The following UBE3A variants were observed in gnomAD, a reference collection of about 807,000 sequenced individuals.
UBE3A encodes the protein ubiquitin-protein ligase E3A.
UBE3A carries 6 observed loss-of-function variants against 83.4 expected under a neutral mutation model. The ratio of observed to expected loss-of-function variants is 0.07; its 90% CI spans 0.04 to 0.14. The LOEUF (loss-of-function observed/expected upper bound fraction) is 0.14, where lower values mean the gene tolerates loss of function less well. UBE3A is among the 10% of genes least tolerant of loss of function. The pLI is 1.00. For synonymous variants in UBE3A, 337 were observed against 355.4 expected (o/e 0.95, Z 0.58); for missense variants, 456 against 1,036.1 (o/e 0.44, Z 7.69).
chr15:25,341,307 G>A (rs1181311289), intron 11 of UBE3A, among the ~76,000 whole-genome samples: 2 of 151,676 alleles, frequency 1.3e-5, no homozygotes, highest in East Asian at 2.0e-4. Context: ...TCCTGACCTC[G>A]TGATCCGCCC....
intron 1 of UBE3A, among the ~76,000 whole-genome samples, chr15:25,430,112 TA>T (rs1420317199): frequency 3.4e-5 from 3 of 87,292 alleles, no homozygotes; most frequent in Non-Finnish European, 5.8e-5. Flanking sequence ...ATATATATAA[TA>T]CATATATATA....
intron 1 of UBE3A, among the ~76,000 whole-genome samples, chr15:25,422,400 T>A (rs1190408286): frequency 2.0e-5 from 3 of 152,152 alleles, no homozygotes; most frequent in African/African-American, 7.2e-5. Context: ...ATGGGTGCAT[T>A]TCATTGTGTA....
intron 4 of UBE3A, among the ~76,000 whole-genome samples, chr15:25,376,119 T>C (rs926884348): frequency 6.6e-6 from 1 of 152,162 alleles, no homozygotes; most frequent in Non-Finnish European, 1.5e-5. Context: ...AGTTGTAGGA[T>C]TCTATCATTT....
chr15:25,415,325 T>A (rs958126021), intron 1 of UBE3A, among the ~76,000 whole-genome samples: 2 of 152,180 alleles, frequency 1.3e-5, no homozygotes, highest in African/African-American at 2.4e-5. Flanking sequence ...TTCTAACTCC[T>A]TCACATTTTA....
intron 11 of UBE3A, among the ~76,000 whole-genome samples, chr15:25,342,136 T>C (rs1432379734): frequency 6.6e-6 from 1 of 152,078 alleles, no homozygotes; most frequent in Non-Finnish European, 1.5e-5. Context: ...CAGTTCATGA[T>C]ACTCCTTTTG....
intron 1 of UBE3A, chr15:25,418,198 T>A (rs144836008): frequency 6.6e-6 from 1 of 152,184 alleles, no homozygotes; most frequent in Admixed American, 6.5e-5. Context: ...TTGTCAACTA[T>A]GATCTCGTTG....
At chr15:25,384,433 C>A in intron 4 of UBE3A, among the ~76,000 whole-genome samples, 1 of 148,394 alleles carries the variant, frequency 6.7e-6, no homozygotes, top group African/African-American at 2.5e-5. Context: ...TCTACTCCAG[C>A]CTGGTGACAG....
intron 4 of UBE3A, among the ~76,000 whole-genome samples, chr15:25,398,796 T>C (rs1253061055): frequency 1.4e-5 from 1 of 72,146 alleles, no homozygotes; most frequent in Non-Finnish European, 2.8e-5. Flanking sequence ...TATATATATA[T>C]ATATATATAT....
intron 4 of UBE3A, among the ~76,000 whole-genome samples, chr15:25,399,421 T>A (rs1424177309): frequency 6.6e-6 from 1 of 152,166 alleles, no homozygotes; most frequent in Non-Finnish European, 1.5e-5. Flanking sequence ...CTCATGCATG[T>A]AGATATTCCA....
At chr15:25,437,335 T>G (rs1027431567) in intron 1 of UBE3A, among the ~76,000 whole-genome samples, 7 of 152,240 alleles carry the variant, frequency 4.6e-5, no homozygotes, top group Non-Finnish European at 1.0e-4. Flanking sequence ...TGATCAGAAG[T>G]GTGAGACAAA....
intron 4 of UBE3A, among the ~76,000 whole-genome samples, chr15:25,379,853 T>C (rs1416561958): frequency 6.6e-6 from 1 of 152,186 alleles, no homozygotes. Context: ...AATAATAGTT[T>C]GTAACGTGAA....
chr15:25,395,341 G>C (rs1379936332), intron 4 of UBE3A, among the ~76,000 whole-genome samples: 1 of 152,184 alleles, frequency 6.6e-6, no homozygotes, highest in Non-Finnish European at 1.5e-5. Context: ...GCTGCTACTA[G>C]AGAATACACT....
intron 6 of UBE3A, among the ~76,000 whole-genome samples, chr15:25,366,715 T>C (rs922798069): frequency 3.9e-5 from 6 of 152,098 alleles, no homozygotes; most frequent in Non-Finnish European, 7.4e-5. Flanking sequence ...CACATAAACA[T>C]ACTTGTATAT....
intron 4 of UBE3A, among the ~76,000 whole-genome samples, chr15:25,379,569 A>G (rs200671616): frequency 1.3e-5 from 2 of 152,200 alleles, no homozygotes; most frequent in African/African-American, 2.4e-5. Flanking sequence ...CCTCACTCCA[A>G]TGACACCTTA....
intron 4 of UBE3A, among the ~76,000 whole-genome samples, chr15:25,389,295 C>T (rs562355425): frequency 6.8e-6 from 1 of 146,652 alleles, no homozygotes; most frequent in East Asian, 2.0e-4. Flanking sequence ...AGGTCTTACA[C>T]CCTTCACAAA....
chr15:25,411,193 A>G (rs940594565), intron 2 of UBE3A, among the ~76,000 whole-genome samples: 1 of 152,194 alleles, frequency 6.6e-6, no homozygotes, highest in African/African-American at 2.4e-5. Context: ...TCCGAGTCTC[A>G]GTTTCCTTAT....
intron 6 of UBE3A, among the ~76,000 whole-genome samples, chr15:25,362,705 G>A (rs923464871): frequency 6.6e-6 from 1 of 152,150 alleles, no homozygotes; most frequent in African/African-American, 2.4e-5. Flanking sequence ...ATTCTGAGGA[G>A]ACTAAAATTA....
intron 1 of UBE3A, among the ~76,000 whole-genome samples, chr15:25,425,493 G>C (rs1411067069): frequency 6.6e-6 from 1 of 152,042 alleles, no homozygotes; most frequent in African/African-American, 2.4e-5. Flanking sequence ...AATATGTTTG[G>C]TAGGATTTTT....
At chr15:25,374,533 T>G (rs1215995031) in intron 5 of UBE3A, 2 of 152,260 alleles carry the variant, frequency 1.3e-5, no homozygotes, top group Non-Finnish European at 2.9e-5. Context: ...AACAGAATTA[T>G]ACACTCTGAA....
Sources: gnomAD v4.1 joint callset for allele counts (sites outside exome capture counted in the v4.1 genomes callset) on GRCh38, gnomAD v4.1.1 for gene constraint, MANE v1.5 for transcripts, NCBI Gene and HGNC (gene_info 2026-07-23, HGNC 2026-07-21) for gene names.